The following TCF7L2 variants were observed in gnomAD, a reference collection of about 807,000 sequenced individuals.
TCF7L2 encodes transcription factor 7-like 2.
Under a neutral mutation model 77.9 loss-of-function variants are expected in TCF7L2, and 23 were observed. That is an observed-to-expected ratio of 0.30 (90% CI 0.21 to 0.42). The LOEUF is 0.42. Ranked by LOEUF, TCF7L2 falls within the 10% of genes least tolerant of loss-of-function variation. TCF7L2 has a pLI of 1.00. For synonymous variants in TCF7L2, 413 were observed against 340.2 expected, an observed-to-expected ratio of 1.21 and a Z score of -2.36; for missense variants, 654 against 793.1, an observed-to-expected ratio of 0.82 and a Z score of 2.11.
At chr10:112,957,774 G>A (rs1458074818) in intron 3 of TCF7L2, among the ~76,000 whole-genome samples, 1 of 152,180 alleles carries the variant, frequency 6.6e-6, no homozygotes, top group African/African-American at 2.4e-5. Flanking sequence ...GCATCTGAGG[G>A]TGAGGCATTA....
intron 4 of TCF7L2, among the ~76,000 whole-genome samples, chr10:113,010,077 G>A (rs1231811871): frequency 2.0e-5 from 3 of 151,978 alleles, no homozygotes; most frequent in Admixed American, 6.6e-5. Context: ...GGAGAATGGA[G>A]TTCTGGGGGC....
rs2043983795 is a variant in TCF7L2 at position 112,998,917 on chromosome 10, A to G, written c.450+34293A>G. On this transcript the variant is annotated intron_variant, in intron 4 of 13. Transcript: ENST00000627217. ...ATACTGATCAGCAGTGTGAGAGGTT[A>G]TTTTTCCATGTCCTCTTCATTAGTG... 1.3e-5 allele frequency among the ~76,000 whole-genome samples: 2 copies of G among 152,098 alleles called. 1 individual carries two copies. Among genetic ancestry groups the G allele is most frequent in the Admixed American group, 1.3e-4 (2 of 15,276 alleles).
intron 4 of TCF7L2, among the ~76,000 whole-genome samples, chr10:113,023,827 C>G (rs6585204): frequency 0.52 from 79,192 of 151,816 alleles, 22,984 homozygotes; most frequent in African/African-American, 0.76. Context: ...TGCCACCACA[C>G]CCGGCTCATT....
intron 4 of TCF7L2, among the ~76,000 whole-genome samples, chr10:113,037,210 A>G (rs2051449765): frequency 6.6e-6 from 1 of 152,180 alleles, no homozygotes; most frequent in African/African-American, 2.4e-5. Context: ...CTGACATAAT[A>G]CTTATTTCCC....
intron 5 of TCF7L2, among the ~76,000 whole-genome samples, chr10:113,078,266 A>G (rs965144323): frequency 6.6e-6 from 1 of 152,176 alleles, no homozygotes; most frequent in African/African-American, 2.4e-5. Context: ...CGGTCCACAC[A>G]GTTCAACAAA....
At chr10:113,095,361 G>T (rs1287960808) in intron 5 of TCF7L2, among the ~76,000 whole-genome samples, 1 of 152,192 alleles carries the variant, frequency 6.6e-6, no homozygotes, top group East Asian at 1.9e-4. Context: ...TCACTGGGTA[G>T]GATGGGAGGT....
At chr10:112,962,778 TG>T (rs1156642459) in intron 3 of TCF7L2, among the ~76,000 whole-genome samples, 2 of 152,146 alleles carry the variant, frequency 1.3e-5, no homozygotes, top group East Asian at 3.9e-4. Context: ...TTTGTATTCT[TG>T]GTAGAGACGG....
intron 5 of TCF7L2, among the ~76,000 whole-genome samples, chr10:113,087,169 T>C (rs746670812): frequency 2.0e-5 from 3 of 152,200 alleles, no homozygotes; most frequent in Non-Finnish European, 4.4e-5. Context: ...AATATCTAGA[T>C]CTGTACAGAG....
At chr10:113,081,206 G>T (rs2059283172) in intron 5 of TCF7L2, among the ~76,000 whole-genome samples, 1 of 152,194 alleles carries the variant, frequency 6.6e-6, no homozygotes, top group Admixed American at 6.5e-5. Flanking sequence ...GGCTTTTAAA[G>T]AGAGGATTAC....
intron 5 of TCF7L2, among the ~76,000 whole-genome samples, chr10:113,104,473 T>A (rs1388670253): frequency 6.6e-6 from 1 of 152,124 alleles, no homozygotes; most frequent in Non-Finnish European, 1.5e-5. Flanking sequence ...GGGGGAAAAG[T>A]CTTAGAAGTG....
intron 5 of TCF7L2, among the ~76,000 whole-genome samples, chr10:113,088,832 G>T (rs1047376184): frequency 6.6e-6 from 1 of 151,924 alleles, no homozygotes; most frequent in Admixed American, 6.6e-5. Context: ...AGCTGAGTGT[G>T]GTGGCGTGCA....
At position 112,950,603 on chromosome 10, in the gene TCF7L2, GA is replaced by G; in HGVS notation, c.-149del. The G allele has an allele frequency of 1.3e-5, 9 of 694,146 alleles. No homozygotes were observed. Among genetic ancestry groups the G allele is most frequent in the South Asian group, 2.1e-5 (1 of 47,278 alleles). 43.0% of individuals were successfully genotyped at this position (694,146 alleles called of 1,614,324 possible). On this transcript the variant is annotated 5_prime_UTR_variant, in exon 1 of 14. Coordinates refer to ENST00000627217, the MANE Select transcript of TCF7L2 (RefSeq NM_001146274.2). The stretch of plus-strand genomic sequence containing the variant: ...CCTCCCTCTTTTCCCCTCCCCAGGA[GA>G]AAAAGACCCCCAAGCAGAAAAAAGT...
intron 4 of TCF7L2, among the ~76,000 whole-genome samples, chr10:112,970,903 A>G (rs1473932862): frequency 6.6e-6 from 1 of 152,214 alleles, no homozygotes; most frequent in African/African-American, 2.4e-5. Flanking sequence ...TTAGGCTGTG[A>G]CATTTCATGT....
intron 8 of TCF7L2, among the ~76,000 whole-genome samples, chr10:113,149,343 CTTGTA>C (rs1390743639): frequency 1.3e-5 from 2 of 152,110 alleles, no homozygotes; most frequent in African/African-American, 2.4e-5. Flanking sequence ...ATTCGAAGGA[CTTGTA>C]TTGTTGTTAT....
At chr10:112,976,237 G>A (rs1298774642) in intron 4 of TCF7L2, among the ~76,000 whole-genome samples, 2 of 152,132 alleles carry the variant, frequency 1.3e-5, no homozygotes. Context: ...TTACCATTGA[G>A]GATTATGAAG....
At chr10:113,131,407 G>C (rs1343722438) in intron 5 of TCF7L2, among the ~76,000 whole-genome samples, 4 of 152,192 alleles carry the variant, frequency 2.6e-5, no homozygotes, top group Admixed American at 1.3e-4. Context: ...TGTGTAAACT[G>C]TCAGGAATGG....
chr10:113,160,023 G>C (rs1247178580), intron 12 of TCF7L2, 31 bp downstream of exon 14: 1 of 1,602,172 alleles, frequency 6.2e-7, no homozygotes, highest in African/African-American at 1.3e-5. Flanking sequence ...TCGCTGTGCT[G>C]GTTTGCAGCT....
At chr10:113,160,405 G>T (rs576451228) in intron 12 of TCF7L2, among the ~76,000 whole-genome samples, 1 of 151,720 alleles carries the variant, frequency 6.6e-6, no homozygotes, top group Non-Finnish European at 1.5e-5. Context: ...GTTTCTGGTT[G>T]TTGTTTTGTG....
chr10:113,074,002 T>C (rs2058415406), intron 5 of TCF7L2, among the ~76,000 whole-genome samples: 1 of 152,188 alleles, frequency 6.6e-6, no homozygotes, highest in Non-Finnish European at 1.5e-5. Context: ...CATCCGGTGC[T>C]GCTGTTGACT....
Sources: gnomAD v4.1 joint callset for allele counts (sites outside exome capture counted in the v4.1 genomes callset) on GRCh38, gnomAD v4.1.1 for gene constraint, MANE v1.5 for transcripts, NCBI Gene and HGNC (gene_info 2026-07-23, HGNC 2026-07-21) for gene names.